FRMD4A: variants seen among roughly 807,000 people sequenced by gnomAD.
The protein encoded by FRMD4A is FERM domain containing 4A, also known as FERM domain-containing protein 4A.
Under a neutral mutation model 129.1 loss-of-function variants are expected in FRMD4A, and 29 were observed. The ratio of observed to expected loss-of-function variants is 0.22; its 90% CI spans 0.17 to 0.31. FRMD4A has a LOEUF of 0.31. FRMD4A is among the 10% of genes least tolerant of loss of function. FRMD4A has a pLI of 1.00. For missense variants in FRMD4A, 1,272 were observed against 1,375.8 expected, an observed-to-expected ratio of 0.92 and a Z score of 1.19; for synonymous variants, 634 against 571.6, an observed-to-expected ratio of 1.11 and a Z score of -1.56.
intron 2 of FRMD4A, among the ~76,000 whole-genome samples, chr10:14,086,724 G>A (rs538665817): frequency 1.0e-3 from 154 of 151,946 alleles, no homozygotes; most frequent in African/African-American, 3.4e-3. Flanking sequence ...TAATGTATGG[G>A]TTTTTTTTGT....
chr10:14,261,993 T>A (rs1308136422), intron 2 of FRMD4A, among the ~76,000 whole-genome samples: 1 of 131,168 alleles, frequency 7.6e-6, no homozygotes, highest in Admixed American at 7.4e-5. Flanking sequence ...CACACCTCAT[T>A]TTCCCTAGTT....
At chr10:13,744,517 T>C (rs2091191546) in intron 9 of FRMD4A, 2 of 152,202 alleles carry the variant, frequency 1.3e-5, no homozygotes, top group South Asian at 4.1e-4. Context: ...CTCAAGTAGG[T>C]TGGTGTATGT....
chr10:13,949,501 G>A (rs2095357814), intron 2 of FRMD4A, among the ~76,000 whole-genome samples: 1 of 152,056 alleles, frequency 6.6e-6, no homozygotes, highest in African/African-American at 2.4e-5. Flanking sequence ...TACATCATGG[G>A]TCTTAAAAAC....
chr10:14,176,465 T>C (rs1841729851), intron 2 of FRMD4A, among the ~76,000 whole-genome samples: 2 of 124,882 alleles, frequency 1.6e-5, no homozygotes, highest in East Asian at 2.8e-4. Context: ...TTCACCTCCA[T>C]CTTTTTTTTT....
At chr10:13,681,445 A>G (rs2084576088) in intron 15 of FRMD4A, among the ~76,000 whole-genome samples, 1 of 150,958 alleles carries the variant, frequency 6.6e-6, no homozygotes, top group Non-Finnish European at 1.5e-5. Context: ...TTGATTGAGA[A>G]AACAGTAGCT....
At chr10:13,869,162 A>G (rs949107811) in intron 2 of FRMD4A, among the ~76,000 whole-genome samples, 1 of 152,210 alleles carries the variant, frequency 6.6e-6, no homozygotes, top group South Asian at 2.1e-4. Context: ...TCAAGCCACA[A>G]GTCCTCCAGG....
At chr10:13,832,387 C>A (rs1275382884) in intron 3 of FRMD4A, among the ~76,000 whole-genome samples, 1 of 152,170 alleles carries the variant, frequency 6.6e-6, no homozygotes, top group East Asian at 1.9e-4. Context: ...GAACAGGAAG[C>A]AGGAGGTCTG....
intron 2 of FRMD4A, among the ~76,000 whole-genome samples, chr10:13,916,344 C>T (rs981594545): frequency 2.0e-5 from 3 of 152,222 alleles, no homozygotes; most frequent in African/African-American, 4.8e-5. Flanking sequence ...CTGGATCTCA[C>T]TTTTCCTTTG....
intron 2 of FRMD4A, among the ~76,000 whole-genome samples, chr10:14,216,436 T>G (rs564529245): frequency 1.3e-5 from 2 of 152,290 alleles, no homozygotes; most frequent in African/African-American, 4.8e-5. Flanking sequence ...TTTGGGAGTC[T>G]GAGGAGGGTG....
chr10:14,107,831 A>C (rs1454146813), intron 2 of FRMD4A, among the ~76,000 whole-genome samples: 1 of 152,088 alleles, frequency 6.6e-6, no homozygotes, highest in Admixed American at 6.6e-5. Context: ...ACCACAACTT[A>C]TTTACTCAGA....
chr10:13,795,006 C>T lies in FRMD4A; in HGVS notation c.299+1490G>A, dbSNP rs117548476. On this transcript the variant is annotated intron_variant, in intron 5 of 24. Transcript: ENST00000357447. The stretch of plus-strand genomic sequence containing the variant: ...GGTGCCCCAAGCTCTCCTGCAAGGA[C>T]GTCCACAAATAATTCAGACACTTGG... 3.5e-3 allele frequency among the ~76,000 whole-genome samples: 531 copies of T among 152,340 alleles called. 5 individuals are homozygous for T. Among genetic ancestry groups the T allele is most frequent in the Non-Finnish European group, 5.3e-3 (360 of 68,026 alleles).
At chr10:14,172,952 G>T (rs1030371483) in intron 2 of FRMD4A, among the ~76,000 whole-genome samples, 1 of 152,142 alleles carries the variant, frequency 6.6e-6, no homozygotes, top group Non-Finnish European at 1.5e-5. Flanking sequence ...TCTCGCAAAG[G>T]ATGGGGTGTC....
chr10:14,275,677 G>A (rs1845314091), intron 2 of FRMD4A, among the ~76,000 whole-genome samples: 1 of 152,190 alleles, frequency 6.6e-6, no homozygotes, highest in African/African-American at 2.4e-5. Context: ...TTAACTGCAA[G>A]CATCTCTGAA....
chr10:13,796,064 T>G (rs1201165862), intron 5 of FRMD4A, among the ~76,000 whole-genome samples: 1 of 152,216 alleles, frequency 6.6e-6, no homozygotes, highest in Non-Finnish European at 1.5e-5. Context: ...CGACCACTCC[T>G]ATTTGGGATA....
intron 2 of FRMD4A, among the ~76,000 whole-genome samples, chr10:14,186,949 C>A (rs575689074): frequency 7.2e-6 from 1 of 139,270 alleles, no homozygotes; most frequent in Non-Finnish European, 1.5e-5. Flanking sequence ...ACTGAGACCT[C>A]GTCTCTGCAA....
chr10:13,723,053 C>T (rs183901630), intron 12 of FRMD4A, among the ~76,000 whole-genome samples: 2 of 151,952 alleles, frequency 1.3e-5, no homozygotes, highest in East Asian at 1.9e-4. Context: ...AGCTAGGTCA[C>T]CATGCTGGTT....
chr10:14,244,160 A>T (rs1394552990), intron 2 of FRMD4A, among the ~76,000 whole-genome samples: 1 of 152,228 alleles, frequency 6.6e-6, no homozygotes, highest in East Asian at 1.9e-4. Flanking sequence ...GGAACAGAAC[A>T]CAATCACTTT....
At chr10:14,031,796 C>T (rs1833258820) in intron 2 of FRMD4A, among the ~76,000 whole-genome samples, 1 of 152,138 alleles carries the variant, frequency 6.6e-6, no homozygotes, top group South Asian at 2.1e-4. Flanking sequence ...AATGTCATTG[C>T]CAAATCCAGG....
At chr10:13,770,013 A>T (rs2092410798) in intron 6 of FRMD4A, among the ~76,000 whole-genome samples, 1 of 152,126 alleles carries the variant, frequency 6.6e-6, no homozygotes, top group Admixed American at 6.5e-5. Flanking sequence ...CCTCATAAGA[A>T]GTCTCTTTCT....
Sources: gnomAD v4.1 joint callset for allele counts (sites outside exome capture counted in the v4.1 genomes callset) on GRCh38, gnomAD v4.1.1 for gene constraint, MANE v1.5 for transcripts, NCBI Gene and HGNC (gene_info 2026-07-23, HGNC 2026-07-21) for gene names.